PMM2: variants seen among roughly 807,000 people sequenced by gnomAD.
The protein encoded by PMM2 is phosphomannomutase 2.
PMM2 carries 35 observed loss-of-function variants against 33.2 expected under a neutral mutation model. The ratio of observed to expected loss-of-function variants is 1.06; its 90% confidence interval spans 0.81 to 1.40. The LOEUF (loss-of-function observed/expected upper bound fraction) is 1.40, where lower values mean the gene tolerates loss of function less well. Ranked by LOEUF, PMM2 falls within the 40% of genes most tolerant of loss-of-function variation. The pLI is 0.00. For missense variants in PMM2, 386 were observed against 306.0 expected (o/e 1.26, Z -1.95); for synonymous variants, 153 against 114.7 (o/e 1.33, Z -2.13).
chr16:8,841,205 C>G (rs865864865), intron 7 of PMM2, among the ~76,000 whole-genome samples: 27 of 151,180 alleles, frequency 1.8e-4, no homozygotes, highest in Admixed American at 3.3e-4. Context: ...CCACTGAATA[C>G]TAAGAGCCTG....
chr16:8,828,868 T>C (rs1431676365), intron 7 of PMM2, among the ~76,000 whole-genome samples: 1 of 152,194 alleles, frequency 6.6e-6, no homozygotes, highest in African/African-American at 2.4e-5. Flanking sequence ...TCTAGAAAGG[T>C]GTGTCGTATT....
At position 8,848,099 on chromosome 16, in the gene PMM2, T is replaced by TA. The variant is rs2060940516; in HGVS notation, c.*275dup. ...CCCCCTAGTCTAATACCCACCCTGA[T>TA]ACGTGCAATCATGTAGTTTTGGCGG... On this transcript the variant is annotated 3_prime_UTR_variant, in exon 8 of 8. Coordinates refer to ENST00000268261, the MANE Select transcript of PMM2 (RefSeq NM_000303.3). The TA allele has an allele frequency of 2.2e-6, 1 of 455,400 alleles. No individual in the cohort carries two copies. Among genetic ancestry groups the TA allele is most frequent in the Non-Finnish European group, 4.1e-6 (1 of 246,430 alleles). 28.2% of individuals were successfully genotyped at this position (455,400 alleles called of 1,614,324 possible).
At chr16:8,845,253 T>A (rs12923179) in intron 7 of PMM2, among the ~76,000 whole-genome samples, 1,910 of 151,766 alleles carry the variant, frequency 0.013, 63 homozygotes, top group African/African-American at 0.044. Flanking sequence ...GGGGAGAATT[T>A]CAAAGAACCT....
chr16:8,798,523 T>C (rs73501488), intron 1 of PMM2, among the ~76,000 whole-genome samples: 3,395 of 152,228 alleles, frequency 0.022, 119 homozygotes, highest in African/African-American at 0.076. Context: ...GAAAGTATGT[T>C]GGACACAACA....
chr16:8,827,719 CATATATATATATATATATATATATAT>C (rs60052078), intron 7 of PMM2, among the ~76,000 whole-genome samples: 5 of 66,872 alleles, frequency 7.5e-5, no homozygotes, highest in East Asian at 4.4e-4. Context: ...TAAATGTGTG[CATATATATATATATATATATATATAT>C]ATATATATAT....
chr16:8,801,680 T>A lies in PMM2; in HGVS notation c.67-119T>A, dbSNP rs145725429. ...AGTGAGACCCTATCTCAAAAAAAAA[T>A]TTTTTCTTTAATTTTTAAATAAGAA... On this transcript the variant is annotated intron_variant, in intron 1 of 7. Coordinates refer to ENST00000268261, the MANE Select transcript of PMM2 (RefSeq NM_000303.3). The A allele has an allele frequency of 1.9e-3, 1,261 of 652,100 alleles. 24 individuals carry two copies. In the African/African-American group the frequency reaches 0.021, roughly 11 times the overall value. 40.4% of individuals were successfully genotyped at this position (652,100 alleles called of 1,614,324 possible). A position where few individuals can be genotyped will look rare whatever the true frequency, so the allele number is the denominator to read the frequency against.
At chr16:8,808,323 T>G (rs984758594) in intron 4 of PMM2, 11 of 151,962 alleles carry the variant, frequency 7.2e-5, no homozygotes, top group African/African-American at 2.7e-4. Context: ...TATACAAATA[T>G]CCCAGGTCAG....
rs562122280 is a variant in PMM2, at chr16:8,832,042, G to A, written c.640-15682G>A. ...TGCAAATCCAGCATTTGAAATTTCC[G>A]GTTCTCTAGCCTTATTATTCTAGAG... On this transcript the variant is annotated intron_variant, in intron 7 of 7. Coordinates refer to ENST00000268261, the MANE Select transcript of PMM2 (RefSeq NM_000303.3). 1.3e-5 allele frequency: 9 copies of A among 672,500 alleles called. No individual in the cohort carries two copies. The South Asian group carries it at 2.7e-4, about 20-fold the overall frequency. 41.7% of individuals were successfully genotyped at this position (672,500 alleles called of 1,614,324 possible). A position where few individuals can be genotyped will look rare whatever the true frequency, so the allele number is the denominator to read the frequency against.
At chr16:8,840,801 T>C (rs778836031) in intron 7 of PMM2, among the ~76,000 whole-genome samples, 1 of 151,440 alleles carries the variant, frequency 6.6e-6, no homozygotes, top group African/African-American at 2.4e-5. Flanking sequence ...TCCATCGAGG[T>C]TGTAGAGTTT....
At position 8,836,671 on chromosome 16, in the gene PMM2, TA is replaced by T. The variant is rs1235133704; in HGVS notation, c.640-11051del. 8.6e-5 allele frequency among the ~76,000 whole-genome samples: 13 copies of T among 151,974 alleles called. No individual in the cohort carries two copies. The South Asian group carries it at 2.5e-3, about 29-fold the overall frequency. On this transcript the variant is annotated intron_variant, in intron 7 of 7. Transcript: ENST00000268261. ...GTTATGGGGTTTGAGGGCCAGATTC[TA>T]ATTTTTGGAGTTTTATTTAATGTCG...
chr16:8,838,277 G>C (rs927856625), intron 7 of PMM2, among the ~76,000 whole-genome samples: 1 of 152,198 alleles, frequency 6.6e-6, no homozygotes, highest in Admixed American at 6.5e-5. Flanking sequence ...CACAATGGTG[G>C]AATGTCATCA....
intron 7 of PMM2, 144 bp from the exon 8 acceptor site, chr16:8,847,580 G>A (rs952121917): frequency 2.6e-5 from 18 of 696,878 alleles, no homozygotes; most frequent in Non-Finnish European, 4.7e-5. Flanking sequence ...TTCCTCTCCT[G>A]GAAACTAAGA....
chr16:8,812,910 G>C, intron 6 of PMM2, 81 bp from the exon 7 acceptor site: 1 of 843,018 alleles, frequency 1.2e-6, no homozygotes. Flanking sequence ...ACTGACAAAA[G>C]AGTAAATTGT....
intron 7 of PMM2, among the ~76,000 whole-genome samples, chr16:8,839,764 A>C (rs1334479218): frequency 1.3e-5 from 2 of 151,940 alleles, no homozygotes; most frequent in Non-Finnish European, 2.9e-5. Flanking sequence ...GAACATCGAG[A>C]AGGTGAAAGA....
At chr16:8,826,741 A>G (rs922498931) in intron 7 of PMM2, among the ~76,000 whole-genome samples, 2 of 152,214 alleles carry the variant, frequency 1.3e-5, no homozygotes, top group Admixed American at 1.3e-4. Flanking sequence ...CATTATAAAT[A>G]TATAGACCGA....
chr16:8,805,382 T>A (rs1456763972), intron 3 of PMM2, among the ~76,000 whole-genome samples: 3 of 152,132 alleles, frequency 2.0e-5, no homozygotes, highest in East Asian at 1.9e-4. Flanking sequence ...CTTCTTGTTT[T>A]AAAAAGATGG....
At chr16:8,828,215 G>GT (rs2060789702) in intron 7 of PMM2, among the ~76,000 whole-genome samples, 1 of 151,514 alleles carries the variant, frequency 6.6e-6, no homozygotes, top group East Asian at 1.9e-4. Flanking sequence ...ATGGTAAGCA[G>GT]TTTTTTGTTT....
At chr16:8,816,729 G>A (rs113018007) in intron 7 of PMM2, among the ~76,000 whole-genome samples, 3,513 of 152,128 alleles carry the variant, frequency 0.023, 140 homozygotes, top group African/African-American at 0.08. Flanking sequence ...CAACAAGAGC[G>A]AAACTCGGTC....
intron 7 of PMM2, among the ~76,000 whole-genome samples, chr16:8,823,650 C>CT (rs920409493): frequency 1.3e-5 from 2 of 152,104 alleles, no homozygotes; most frequent in Non-Finnish European, 2.9e-5. Context: ...TCAGGTTAGA[C>CT]TTTTTTAAAG....
Sources: allele counts gnomAD v4.1 joint callset (sites outside exome capture counted in the v4.1 genomes callset), GRCh38; gene constraint gnomAD v4.1.1; transcripts MANE v1.5; gene names NCBI Gene and HGNC (gene_info 2026-07-23, HGNC 2026-07-21).